The following PRICKLE2 variants were observed in gnomAD, a reference collection of about 807,000 sequenced individuals.
PRICKLE2 encodes prickle planar cell polarity protein 2.
In PRICKLE2, 21 loss-of-function variants were observed where a neutral mutation model predicts 81.4. That is an observed-to-expected ratio of 0.26 (90% CI 0.18 to 0.37). The LOEUF is 0.37. PRICKLE2 is among the 10% of genes least tolerant of loss of function. The pLI is 1.00. For missense variants in PRICKLE2, 940 were observed against 1,109.0 expected, an observed-to-expected ratio of 0.85 and a Z score of 2.16; for synonymous variants, 456 against 421.5, an observed-to-expected ratio of 1.08 and a Z score of -1.00.
chr3:64,205,129 G>A (rs1297274954), intron 1 of PRICKLE2, among the ~76,000 whole-genome samples: 1 of 150,884 alleles, frequency 6.6e-6, no homozygotes, highest in Non-Finnish European at 1.5e-5. Flanking sequence ...TACAAAGGGT[G>A]CATTGGCTTC....
At chr3:64,183,299 C>A (rs981902795) in intron 2 of PRICKLE2, among the ~76,000 whole-genome samples, 1 of 152,080 alleles carries the variant, frequency 6.6e-6, no homozygotes, top group African/African-American at 2.4e-5. Context: ...TAATGGCCAC[C>A]AGTTCACTAC....
At chr3:64,156,640 C>T (rs545895115) in intron 5 of PRICKLE2, among the ~76,000 whole-genome samples, 1 of 152,230 alleles carries the variant, frequency 6.6e-6, no homozygotes, top group South Asian at 2.1e-4. Flanking sequence ...GCAGAGACAT[C>T]CAAATGAAGT....
chr3:64,248,335 GC>G (rs2107177476), intron 2 of PRICKLE2, among the ~76,000 whole-genome samples: 1 of 152,236 alleles, frequency 6.6e-6, no homozygotes, highest in East Asian at 1.9e-4. Flanking sequence ...ACAAAAACTT[GC>G]CAGTCAACTC....
At chr3:64,241,215 A>T (rs1282322026) in intron 2 of PRICKLE2, among the ~76,000 whole-genome samples, 1 of 152,226 alleles carries the variant, frequency 6.6e-6, no homozygotes, top group African/African-American at 2.4e-5. Context: ...CTCTACCTAT[A>T]CAATGGCTCC....
At chr3:64,166,526 C>G (rs1427735218) in intron 2 of PRICKLE2, among the ~76,000 whole-genome samples, 1 of 152,206 alleles carries the variant, frequency 6.6e-6, no homozygotes, top group Admixed American at 6.5e-5. Context: ...TTTGGGAACA[C>G]AGCTCTATCT....
chr3:64,107,317 A>C (rs1194323768), intron 7 of PRICKLE2, among the ~76,000 whole-genome samples: 5 of 152,172 alleles, frequency 3.3e-5, no homozygotes, highest in African/African-American at 1.2e-4. Flanking sequence ...CTCTGCGAGA[A>C]AATCAATGTT....
chr3:64,261,185 T>C (rs759132145), intron 2 of PRICKLE2, among the ~76,000 whole-genome samples: 3 of 152,184 alleles, frequency 2.0e-5, no homozygotes, highest in Admixed American at 6.5e-5. Context: ...GTGAAGTGTA[T>C]GGACTTAGCA....
intron 2 of PRICKLE2, among the ~76,000 whole-genome samples, chr3:64,261,703 G>T (rs1174862958): frequency 6.6e-6 from 1 of 152,148 alleles, no homozygotes; most frequent in African/African-American, 2.4e-5. Flanking sequence ...CCCAGAGGTA[G>T]GCAGAAACTT....
chr3:64,100,435 C>G (rs1222562443), intron 7 of PRICKLE2: 1 of 158,808 alleles, frequency 6.3e-6, no homozygotes, highest in African/African-American at 2.4e-5. Flanking sequence ...GCAGCAGTTT[C>G]CTGCTTTGCC....
intron 3 of PRICKLE2, among the ~76,000 whole-genome samples, chr3:64,160,955 A>AAAAC (rs147617025): frequency 1.5e-3 from 230 of 151,144 alleles, no homozygotes; most frequent in African/African-American, 2.6e-3. Context: ...AACAAAAACA[A>AAAAC]AAACAAACAA....
intron 7 of PRICKLE2, among the ~76,000 whole-genome samples, chr3:64,108,529 G>A (rs568463442): frequency 6.6e-6 from 1 of 152,126 alleles, no homozygotes; most frequent in East Asian, 1.9e-4. Flanking sequence ...AAGGCTGGGG[G>A]TGGGGACAGA....
intron 2 of PRICKLE2, among the ~76,000 whole-genome samples, chr3:64,172,457 T>A (rs965370328): frequency 3.9e-5 from 6 of 152,368 alleles, no homozygotes; most frequent in Middle Eastern, 3.4e-3. Context: ...TGGGTTCCAA[T>A]AATGGATGTA....
intron 7 of PRICKLE2, among the ~76,000 whole-genome samples, chr3:64,140,855 A>C (rs377393139): frequency 5.9e-5 from 9 of 152,200 alleles, no homozygotes; most frequent in African/African-American, 2.2e-4. Flanking sequence ...TCAACAAGCC[A>C]GCTGTCACAG....
chr3:64,192,852 A>G (rs138955716), intron 2 of PRICKLE2, among the ~76,000 whole-genome samples: 144 of 152,328 alleles, frequency 9.5e-4, no homozygotes, highest in Admixed American at 1.8e-3. Flanking sequence ...GGAGATATTC[A>G]TATTTAAGTA....
At chr3:64,231,773 T>C (rs2079108401) in intron 2 of PRICKLE2, among the ~76,000 whole-genome samples, 1 of 152,166 alleles carries the variant, frequency 6.6e-6, no homozygotes. Flanking sequence ...GTCCTCACCA[T>C]AAACCAAAAA....
intron 7 of PRICKLE2, chr3:64,142,095 G>T: frequency 4.8e-6 from 1 of 209,564 alleles, no homozygotes; most frequent in Non-Finnish European, 8.3e-6. Context: ...GTATGGGTGT[G>T]CAGAGTAGGA....
At chr3:64,130,367 T>A (rs975183719) in intron 7 of PRICKLE2, among the ~76,000 whole-genome samples, 2 of 152,184 alleles carry the variant, frequency 1.3e-5, no homozygotes, top group South Asian at 4.1e-4. Context: ...AGAGTTTAGA[T>A]AACTTGCCCG....
intron 7 of PRICKLE2, among the ~76,000 whole-genome samples, chr3:64,138,269 C>A (rs1485527844): frequency 6.6e-6 from 1 of 152,100 alleles, no homozygotes; most frequent in African/African-American, 2.4e-5. Flanking sequence ...TGCCTAGTTC[C>A]TGGGATGGGA....
chr3:64,225,547 G>A (rs1018671364), upstream of PRICKLE2: 9 of 634,640 alleles, frequency 1.4e-5, no homozygotes, highest in Non-Finnish European at 1.8e-5. Context: ...CTGCTGCCCA[G>A]TGCTGAGATT....
Sources: allele counts gnomAD v4.1 joint callset (sites outside exome capture counted in the v4.1 genomes callset), GRCh38; gene constraint gnomAD v4.1.1; transcripts MANE v1.5; gene names NCBI Gene and HGNC (gene_info 2026-07-23, HGNC 2026-07-21).